MLLT10: variants seen among roughly 807,000 people sequenced by gnomAD.
The protein encoded by MLLT10 is MLLT10 histone lysine methyltransferase DOT1L cofactor.
In MLLT10, 30 loss-of-function variants were observed where a neutral mutation model predicts 129.1. The observed-to-expected ratio is 0.23, with a 90% CI of 0.17 to 0.32. MLLT10 has a LOEUF of 0.32. Ranked by LOEUF, MLLT10 falls within the 10% of genes least tolerant of loss-of-function variation. The pLI is 1.00. For synonymous variants in MLLT10, 490 were observed against 446.4 expected, an observed-to-expected ratio of 1.10 and a Z score of -1.23; for missense variants, 1,119 against 1,268.3, an observed-to-expected ratio of 0.88 and a Z score of 1.79.
intron 20 of MLLT10, 23 bp from the exon 21 acceptor site, chr10:21,735,112 AAAGT>A (rs780460223): frequency 7.7e-6 from 12 of 1,566,728 alleles, no homozygotes; most frequent in Admixed American, 3.5e-5. Flanking sequence ...TGTGTAGTAA[AAAGT>A]AAGAATTGTA....
intron 5 of MLLT10, among the ~76,000 whole-genome samples, chr10:21,606,296 A>G (rs1187883106): frequency 6.6e-6 from 1 of 152,222 alleles, no homozygotes; most frequent in Non-Finnish European, 1.5e-5. Flanking sequence ...TTGAAGATGT[A>G]CAAGAAAATG....
intron 3 of MLLT10, among the ~76,000 whole-genome samples, chr10:21,580,952 T>C (rs1380030076): frequency 6.6e-6 from 1 of 150,524 alleles, no homozygotes; most frequent in East Asian, 2.0e-4. Context: ...GACCTCATGA[T>C]CTGCCTGCAT....
chr10:21,658,798 G>A (rs908950569), intron 9 of MLLT10, among the ~76,000 whole-genome samples: 1 of 152,022 alleles, frequency 6.6e-6, no homozygotes, highest in African/African-American at 2.4e-5. Context: ...CGAGTAACTG[G>A]GACTACAGGC....
At chr10:21,568,611 C>A (rs2039854584) in intron 3 of MLLT10, among the ~76,000 whole-genome samples, 1 of 150,286 alleles carries the variant, frequency 6.7e-6, no homozygotes, top group Non-Finnish European at 1.5e-5. Context: ...TTTTTTTTAC[C>A]CCTTGGTTAT....
intron 8 of MLLT10, among the ~76,000 whole-genome samples, chr10:21,649,344 C>T (rs1175943139): frequency 2.6e-5 from 4 of 152,216 alleles, no homozygotes; most frequent in Admixed American, 1.3e-4. Flanking sequence ...CCCAAAGTGC[C>T]GGGATTACAG....
At chr10:21,725,550 C>G (rs1009298318) in intron 14 of MLLT10, among the ~76,000 whole-genome samples, 2 of 151,916 alleles carry the variant, frequency 1.3e-5, no homozygotes, top group African/African-American at 2.4e-5. Flanking sequence ...GAAACTCCGT[C>G]TGTACTAAAA....
chr10:21,586,174 G>A (rs895978497), intron 3 of MLLT10, 120 bp from the exon 4 acceptor site: 3 of 748,986 alleles, frequency 4.0e-6, no homozygotes, highest in African/African-American at 3.6e-5. Flanking sequence ...AAATATTCTT[G>A]GGGGGCAACT....
chr10:21,669,100 G>A (rs2051129617), intron 9 of MLLT10: 1 of 1,285,916 alleles, frequency 7.8e-7, no homozygotes, highest in Admixed American at 2.9e-5. Flanking sequence ...TTTGTAAAAT[G>A]GGATTTTTTT....
chr10:21,631,871 A>G (rs1267457389), intron 8 of MLLT10, among the ~76,000 whole-genome samples: 2 of 152,000 alleles, frequency 1.3e-5, no homozygotes, highest in Non-Finnish European at 2.9e-5. Context: ...CAGAGGTAAG[A>G]ATCATATCCC....
chr10:21,658,856 T>G (rs1051278524), intron 9 of MLLT10, among the ~76,000 whole-genome samples: 4 of 152,038 alleles, frequency 2.6e-5, no homozygotes, highest in Non-Finnish European at 5.9e-5. Flanking sequence ...TTAGTAGAGA[T>G]GGGGTTTCGC....
chr10:21,676,854 A>G (rs569302371), intron 11 of MLLT10, among the ~76,000 whole-genome samples: 11 of 151,468 alleles, frequency 7.3e-5, no homozygotes. Flanking sequence ...ATGTATGTTA[A>G]TAAACATTTT....
intron 9 of MLLT10, among the ~76,000 whole-genome samples, chr10:21,660,019 G>A (rs757608626): frequency 1.3e-5 from 2 of 151,750 alleles, no homozygotes; most frequent in Non-Finnish European, 2.9e-5. Flanking sequence ...TCTGTTGCCC[G>A]GGCTGGAGTG....
chr10:21,585,313 T>G (rs960275195), intron 3 of MLLT10, among the ~76,000 whole-genome samples: 3 of 152,176 alleles, frequency 2.0e-5, no homozygotes, highest in Middle Eastern at 3.2e-3. Flanking sequence ...GAACATATTC[T>G]TCTTGGTAAG....
intron 3 of MLLT10, among the ~76,000 whole-genome samples, chr10:21,579,792 A>G (rs929215814): frequency 6.6e-6 from 1 of 151,474 alleles, no homozygotes; most frequent in Admixed American, 6.6e-5. Context: ...CGAACTCCTG[A>G]GCTCAGGTGA....
At chr10:21,633,129 G>A (rs2047152328) in intron 8 of MLLT10, among the ~76,000 whole-genome samples, 1 of 152,086 alleles carries the variant, frequency 6.6e-6, no homozygotes, top group African/African-American at 2.4e-5. Flanking sequence ...TGTAAAAATG[G>A]GGCATTATGT....
chr10:21,700,635 A>T (rs570563892), intron 13 of MLLT10, among the ~76,000 whole-genome samples: 1 of 151,992 alleles, frequency 6.6e-6, no homozygotes, highest in South Asian at 2.1e-4. Flanking sequence ...TTTGTCCTTT[A>T]TTCTATTGAT....
intron 8 of MLLT10, among the ~76,000 whole-genome samples, chr10:21,637,879 T>C (rs540417961): frequency 6.6e-6 from 1 of 152,332 alleles, no homozygotes; most frequent in South Asian, 2.1e-4. Flanking sequence ...GCTAATTCAC[T>C]GTTAGCTTCC....
At chr10:21,694,689 T>A (rs1232200569) in intron 13 of MLLT10, among the ~76,000 whole-genome samples, 4 of 152,246 alleles carry the variant, frequency 2.6e-5, no homozygotes, top group Non-Finnish European at 4.4e-5. Context: ...CCTTACTTTC[T>A]GGCACTGTAA....
intron 5 of MLLT10, among the ~76,000 whole-genome samples, chr10:21,605,929 T>G (rs1169976050): frequency 2.0e-5 from 3 of 152,218 alleles, no homozygotes; most frequent in Non-Finnish European, 4.4e-5. Context: ...CATGTTTTTT[T>G]TCTTTTTTAC....
Sources: gnomAD v4.1 joint callset for allele counts (sites outside exome capture counted in the v4.1 genomes callset) on GRCh38, gnomAD v4.1.1 for gene constraint, MANE v1.5 for transcripts, NCBI Gene and HGNC (gene_info 2026-07-23, HGNC 2026-07-21) for gene names.